The following KIZ variants were observed in gnomAD, a reference collection of about 807,000 sequenced individuals.
KIZ encodes the protein centrosomal protein kizuna.
A neutral mutation model predicts 79.6 loss-of-function variants in KIZ; 68 were observed. That is an observed-to-expected ratio of 0.85 (90% CI 0.70 to 1.05). The LOEUF (loss-of-function observed/expected upper bound fraction) is 1.05. Ranked by LOEUF, KIZ falls within the 50% of genes least tolerant of loss-of-function variation. The pLI, the probability that KIZ is intolerant of heterozygous loss-of-function variation, is 0.00. For missense variants in KIZ, 797 were observed against 800.4 expected (o/e 1.00, Z 0.05); for synonymous variants, 280 against 281.8 (o/e 0.99, Z 0.06).
intron 2 of KIZ, among the ~76,000 whole-genome samples, chr20:21,135,903 A>C (rs561206023): frequency 6.6e-6 from 1 of 152,302 alleles, no homozygotes; most frequent in South Asian, 2.1e-4. Flanking sequence ...AAGTATGTTT[A>C]TATTATCTAA....
At chr20:21,185,691 G>A (rs944865791) in intron 6 of KIZ, among the ~76,000 whole-genome samples, 5 of 150,270 alleles carry the variant, frequency 3.3e-5, no homozygotes, top group Non-Finnish European at 5.9e-5. Context: ...GATTACAAGC[G>A]TGAGCCACCA....
intron 6 of KIZ, among the ~76,000 whole-genome samples, chr20:21,204,031 G>A (rs560800206): frequency 2.0e-5 from 3 of 151,212 alleles, no homozygotes; most frequent in South Asian, 4.2e-4. Flanking sequence ...CATTTAAGTG[G>A]GATCATACAG....
chr20:21,212,525 A>G lies in KIZ; in HGVS notation c.1447-2010A>G, dbSNP rs537479384. Among the ~76,000 whole-genome samples, 197 of 152,364 alleles carry G rather than the reference A, an allele frequency of 1.3e-3. 1 individual carries two copies. Among genetic ancestry groups the G allele is most frequent in the African/African-American group, 4.6e-3 (190 of 41,586 alleles). On this transcript the variant is annotated intron_variant, in intron 7 of 12. Transcript: ENST00000619189. ...TGTTCTGAGCAGTTTAAGGTAGGCA[A>G]AGCTTAACTATGATGTTCAGTAGGT...
intron 9 of KIZ, among the ~76,000 whole-genome samples, chr20:21,224,484 GAA>G (rs1287120168): frequency 6.6e-6 from 1 of 152,196 alleles, no homozygotes; most frequent in Admixed American, 6.5e-5. Flanking sequence ...ACAATGCTGA[GAA>G]ATTCAGTGGA....
intron 4 of KIZ, among the ~76,000 whole-genome samples, chr20:21,150,023 T>C (rs2033040847): frequency 6.6e-6 from 1 of 152,190 alleles, no homozygotes; most frequent in South Asian, 2.1e-4. Context: ...TTATCACTCA[T>C]AGCACCTGGT....
chr20:21,218,537 A>G (rs898899545), intron 9 of KIZ: 2 of 152,248 alleles, frequency 1.3e-5, no homozygotes, highest in African/African-American at 4.8e-5. Context: ...TGCATAATGC[A>G]TAGAAGCATA....
At chr20:21,156,017 G>A (rs1235376604) in intron 4 of KIZ, among the ~76,000 whole-genome samples, 2 of 152,180 alleles carry the variant, frequency 1.3e-5, no homozygotes. Context: ...TCAGCCACCA[G>A]CGGTGTGACA....
rs563133634 is a variant in KIZ, at chr20:21,222,533, A to T, written c.1679-6478A>T. On this transcript the variant is annotated intron_variant, in intron 9 of 12. Transcript: ENST00000619189. ...ATCAGGCTTTAAATATTTTAATAAA[A>T]TGAGGGGTTGGAGTGTATTATTTTC... is the stretch of plus-strand genomic sequence containing the variant. Among the ~76,000 whole-genome samples, 9 of 152,342 alleles carry T rather than the reference A, an allele frequency of 5.9e-5. No individual in the cohort carries two copies. In the East Asian group the frequency reaches 1.4e-3, roughly 23 times the overall value.
Position 21,126,189 on chromosome 20 carries a change from A to C in KIZ, c.74A>C (p.His25Pro). The change falls in exon 1 of 13, where the codon CAC (histidine) becomes CCC (proline). Residue 25 changes from histidine to proline, a missense_variant. By Grantham distance (77) the His-to-Pro change is moderately conservative. Transcript: ENST00000619189. Reference protein sequence around the residue: ...DYYERLGQLQHGLRDSEKKRL... With the variant: ...DYYERLGQLQPGLRDSEKKRL... ...TACGAGAGGCTGGGCCAACTCCAGCACGGGCTGCGGGACAGGTAAGGGCAC... is the reference window on the plus strand; with the variant it reads ...TACGAGAGGCTGGGCCAACTCCAGCCCGGGCTGCGGGACAGGTAAGGGCAC... 6.7e-7 allele frequency: 1 copy of C among 1,487,602 alleles called. No homozygotes were observed. Among genetic ancestry groups the C allele is most frequent in the Non-Finnish European group, 9.0e-7 (1 of 1,114,632 alleles). 92.2% of individuals were successfully genotyped at this position (1,487,602 alleles called of 1,614,324 possible).
chr20:21,227,467 G>A (rs1016720228), intron 9 of KIZ, among the ~76,000 whole-genome samples: 2 of 152,006 alleles, frequency 1.3e-5, no homozygotes, highest in African/African-American at 2.4e-5. Flanking sequence ...TAGAAATAAC[G>A]TGGTCATTAA....
intron 7 of KIZ, among the ~76,000 whole-genome samples, chr20:21,214,208 C>G (rs887943092): frequency 1.3e-5 from 2 of 151,918 alleles, no homozygotes; most frequent in Non-Finnish European, 2.9e-5. Context: ...TTGTATATAT[C>G]GAAGGGAGGA....
chr20:21,203,289 G>C (rs1217531107), intron 6 of KIZ, among the ~76,000 whole-genome samples: 1 of 152,068 alleles, frequency 6.6e-6, no homozygotes, highest in African/African-American at 2.4e-5. Context: ...CTATTTGGTT[G>C]GTATGTTTAA....
At chr20:21,209,185 G>A (rs945727944) in intron 7 of KIZ, among the ~76,000 whole-genome samples, 2 of 152,096 alleles carry the variant, frequency 1.3e-5, no homozygotes, top group East Asian at 1.9e-4. Context: ...CATCAAAGCC[G>A]CAGAAACTCA....
chr20:21,200,860 CATT>C (rs1002657388), intron 6 of KIZ, among the ~76,000 whole-genome samples: 19 of 152,138 alleles, frequency 1.2e-4, no homozygotes, highest in African/African-American at 4.6e-4. Flanking sequence ...CGCTTGTCAT[CATT>C]ATTGATTTAT....
rs192085245 is a variant in KIZ, at chr20:21,220,701, G to A, written c.1678+5053G>A. Reference sequence around the variant, plus strand: ...TTGCCCCGTTTGCCAGGCTGTACTCGCATCCTGGCCTAAAGATACCCACCC... The same window carrying A: ...TTGCCCCGTTTGCCAGGCTGTACTCACATCCTGGCCTAAAGATACCCACCC... On this transcript the variant is annotated intron_variant, in intron 9 of 12. Transcript: ENST00000619189. Among the ~76,000 whole-genome samples, 361 of 152,168 alleles carry A rather than the reference G, an allele frequency of 2.4e-3. 1 individual carries two copies. The highest frequency in any genetic ancestry group is 4.4e-3 in the African/African-American group (184 of 41,516).
intron 12 of KIZ, chr20:21,246,047 T>C (rs756098730): frequency 3.6e-5 from 6 of 165,840 alleles, no homozygotes; most frequent in Non-Finnish European, 7.7e-5. Context: ...AGGGTAACCA[T>C]CTCTGCTTAT....
intron 6 of KIZ, 91 bp from the exon 7 acceptor site, chr20:21,205,400 C>A: frequency 1.8e-6 from 1 of 554,696 alleles, no homozygotes; most frequent in Non-Finnish European, 3.2e-6. Context: ...CTGGATAAAC[C>A]ATCTTCTACT....
In KIZ at chr20:21,229,041, C is replaced by T; in HGVS notation, c.1709C>T (p.Ala570Val). 6.2e-7 allele frequency: 1 copy of T among 1,610,206 alleles called. No individual in the cohort carries two copies. Among genetic ancestry groups the T allele is most frequent in the Non-Finnish European group, 8.5e-7 (1 of 1,177,188 alleles). The stretch of plus-strand genomic sequence containing the variant: ...GAAGCCTATCAGTTGCTGAAGAAGG[C>T]CACCCTTCAGGATAATACAAATCAA... The part of the protein sequence containing the change: ...ETEAYQLLKK[A>V]TLQDNTNQTE... Residue 570 changes from alanine to valine, a missense_variant, in exon 10 of 13, where the codon GCC becomes GTC. Physicochemically the swap from Ala to Val is moderately conservative, Grantham distance 64. Transcript: ENST00000619189.
intron 9 of KIZ, among the ~76,000 whole-genome samples, chr20:21,226,652 C>A (rs1226744132): frequency 6.6e-6 from 1 of 152,342 alleles, no homozygotes; most frequent in Non-Finnish European, 1.5e-5. Context: ...CAGTGAGTGT[C>A]ATTCCTCTGG....
Sources: allele counts gnomAD v4.1 joint callset (sites outside exome capture counted in the v4.1 genomes callset), GRCh38; gene constraint gnomAD v4.1.1; transcripts MANE v1.5; gene names NCBI Gene and HGNC (gene_info 2026-07-23, HGNC 2026-07-21).